The following KCTD19 variants were observed in gnomAD, a reference collection of about 807,000 sequenced individuals.
The protein encoded by KCTD19 is potassium channel tetramerization domain containing 19, also known as BTB/POZ domain-containing protein KCTD19.
A neutral mutation model predicts 103.5 loss-of-function variants in KCTD19; 67 were observed. That is an observed-to-expected ratio of 0.65 (90% CI 0.53 to 0.79). The LOEUF is 0.79. Among genes scored for constraint, KCTD19 ranks in the 30% least tolerant of loss-of-function variants. The pLI is 0.00. For synonymous variants in KCTD19, 439 were observed against 452.2 expected, an observed-to-expected ratio of 0.97 and a Z score of 0.37; for missense variants, 980 against 1,136.1, an observed-to-expected ratio of 0.86 and a Z score of 1.98.
rs751467221 is a variant in KCTD19 at position 67,304,417 on chromosome 16, TC to T, written c.451+3del. ...TTAGGGAGGGACAGCCTATCCCAAT[TC>T]ACCTGTAAAGGCTGGGCTTTTAATT... On this transcript the variant is annotated splice_donor_region_variant and intron_variant, in intron 3 of 15. Coordinates refer to ENST00000304372, the MANE Select transcript of KCTD19 (RefSeq NM_001100915.3). 6.2e-6 allele frequency: 10 copies of T among 1,613,856 alleles called. No homozygotes were observed. In the African/African-American group the frequency reaches 1.1e-4, roughly 17 times the overall value.
Position 67,297,471 on chromosome 16 carries a change from C to G in KCTD19, c.1147+32G>C, listed in dbSNP as rs1394274423. On this transcript the variant is annotated intron_variant, in intron 7 of 15. Transcript: ENST00000304372. ...CAATCTCCCAGATACTCCCCTGATG[C>G]TAAATTCAAACCTAGAAGCTTTCTC... 1.9e-6 allele frequency: 3 copies of G among 1,609,126 alleles called. No homozygotes were observed. The South Asian group carries it at 3.3e-5, about 18-fold the overall frequency.
chr16:67,303,107 TCAGCCCGCCCCCCACCCCACCC>T lies in KCTD19; in HGVS notation c.643+17_643+38del. 1 of 897,596 alleles carries T rather than the reference TCAGCCCGCCCCCCACCCCACCC, an allele frequency of 1.1e-6. No individual in the cohort carries two copies. Among genetic ancestry groups the T allele is most frequent in the Non-Finnish European group, 1.8e-6 (1 of 562,966 alleles). The allele number at this position is 897,596 out of a possible 1,614,324, so 55.6% of individuals were successfully genotyped here. ...GATGGGGAGGGGTGAATGGGCCCTATCAGCCCGCCCCCCACCCCACCCCGGACAGAGCAATCACCAATGAAGC... is the reference window on the plus strand; with the variant it reads ...GATGGGGAGGGGTGAATGGGCCCTATCGGACAGAGCAATCACCAATGAAGC... On this transcript the variant is annotated intron_variant, in intron 4 of 15. Coordinates refer to ENST00000304372, the MANE Select transcript of KCTD19 (RefSeq NM_001100915.3). The surrounding 1 kb of genome is among the most constrained non-coding windows in gnomAD (Gnocchi z 4.3).
At chr16:67,325,191 C>CTTTTTTTTTTT (rs1567456732) in intron 1 of KCTD19, among the ~76,000 whole-genome samples, 1 of 128,142 alleles carries the variant, frequency 7.8e-6, no homozygotes, top group Non-Finnish European at 1.7e-5. Flanking sequence ...TCTTTTTTTT[C>CTTTTTTTTTTT]TTTTTTTCTT....
chr16:67,321,894 A>C (rs1269854257), intron 1 of KCTD19: 1 of 152,924 alleles, frequency 6.5e-6, no homozygotes, highest in East Asian at 1.9e-4. Flanking sequence ...CGTTGAGGGA[A>C]GAAGGGGACA....
intron 4 of KCTD19, 22 bp from the exon 5 acceptor site, chr16:67,301,944 CAGTG>C (rs761550536): frequency 6.2e-7 from 1 of 1,613,284 alleles, no homozygotes; most frequent in South Asian, 1.1e-5. Context: ...AAGGGGAACA[CAGTG>C]AGTTAATGAG....
rs563321784 is a variant in KCTD19 at position 67,296,250 on chromosome 16, G to T, written c.1157C>A (p.Thr386Lys). Residue 386 changes from threonine (T) to lysine (K), a missense_variant, in exon 8 of 16, where the codon ACG (threonine) becomes AAG (lysine). Transcript: ENST00000304372. ...LAPMDVLNEWTAEITVYSPQQ... is the reference protein window; with the variant it reads ...LAPMDVLNEWKAEITVYSPQQ... ...TGGGGAATACACAGTGATCTCTGCCGTCCACTCATCTATGGGAATCCAGGA... is the reference window on the plus strand; with the variant it reads ...TGGGGAATACACAGTGATCTCTGCCTTCCACTCATCTATGGGAATCCAGGA... 2.5e-6 allele frequency: 4 copies of T among 1,609,022 alleles called. No individual in the cohort carries two copies. Among genetic ancestry groups the T allele is most frequent in the Non-Finnish European group, 3.4e-6 (4 of 1,175,344 alleles).
rs773069676 is a variant in KCTD19, at chr16:67,293,708, G to A, written c.2054C>T (p.Ala685Val). ...EAASQPSTSA[A>V]WKAHSTASEK... ...TGAGGCTGTGGAATGGGCTTTCCAG[G>A]CAGCTGAGGTGCTGGGCTGGGAAGC... Residue 685 changes from alanine (A) to valine (V), a missense_variant, in exon 12 of 16, where the codon GCC (alanine) becomes GTC (valine). Physicochemically the swap from Ala to Val is moderately conservative, Grantham distance 64. Transcript: ENST00000304372. The surrounding 1 kb of genome is among the most constrained non-coding windows in gnomAD (Gnocchi z 4.0). The A allele has an allele frequency of 2.5e-6, 4 of 1,614,080 alleles. No homozygotes were observed. The highest frequency in any genetic ancestry group is 2.2e-5 in the South Asian group (2 of 91,082).
intron 7 of KCTD19, 136 bp downstream of exon 7, chr16:67,297,367 A>G: frequency 1.1e-6 from 1 of 909,818 alleles, no homozygotes. Context: ...CCCTTTTGTA[A>G]AAATCCAAAA....
chr16:67,326,306 C>A (rs2037167326), intron 1 of KCTD19, among the ~76,000 whole-genome samples: 1 of 151,820 alleles, frequency 6.6e-6, no homozygotes, highest in Non-Finnish European at 1.5e-5. Context: ...GGATTCCCAA[C>A]CTTTCAGATC....
Position 67,291,350 on chromosome 16 carries a change from C to G in KCTD19, c.2524G>C (p.Ala842Pro). Residue 842 changes from alanine (A) to proline (P), a missense_variant, in exon 14 of 16, where the codon GCC becomes CCC. Transcript: ENST00000304372. ...MDSIRQKDPK[A>P]ITAKVVSLAN... ...AGGGAGACCACCTTGGCTGTGATGG[C>G]TTTGGGGTCCTTTTGCCTGATGGAA... The G allele has an allele frequency of 6.2e-7, 1 of 1,614,104 alleles. No homozygotes were observed. The highest frequency in any genetic ancestry group is 1.1e-5 in the South Asian group (1 of 91,074).
chr16:67,320,748 G>A lies in KCTD19; in HGVS notation c.141C>T (p.Thr47=), dbSNP rs747180142. The A allele has an allele frequency of 1.2e-6, 2 of 1,614,060 alleles. No homozygotes were observed. The highest frequency in any genetic ancestry group is 1.3e-5 in the African/African-American group (1 of 74,918). Residue 47 remains threonine, a synonymous_variant, in exon 2 of 16, where the codon ACC becomes ACT. Transcript: ENST00000304372. The surrounding 1 kb of genome is among the most constrained non-coding windows in gnomAD (Gnocchi z 4.0). ...TAAATAGCCTCTGGCTTTCTGAAGA[G>A]GTCAAGGCTGAAGCCTCTTTCCACA... ...SLLWKEASAL[T]SSESQRLFID...
Position 67,291,702 on chromosome 16 carries a change from G to T in KCTD19, c.2354C>A (p.Thr785Asn), listed in dbSNP as rs769389422. The stretch of plus-strand genomic sequence containing the variant: ...GTGCCTGAGGTTGTCCATCTCCGTG[G>T]TATAGATGATGCTGTCCTCAAAGAA... ...CMFFEDSIIYTTEMDNLRHTT... is the reference protein window; with the variant it reads ...CMFFEDSIIYNTEMDNLRHTT... The change falls in exon 13 of 16, where the codon ACC becomes AAC. Residue 785 changes from threonine (T) to asparagine (N), a missense_variant. By Grantham distance (65) the Thr-to-Asn change is moderately conservative. Transcript: ENST00000304372. 3 of 1,614,024 alleles carry T rather than the reference G, an allele frequency of 1.9e-6. No homozygotes were observed. Among genetic ancestry groups the T allele is most frequent in the Middle Eastern group, 3.3e-4 (2 of 6,084 alleles).
At chr16:67,294,750 C>A (rs139855834) in intron 10 of KCTD19, 56 bp from the exon 11 acceptor site, 1 of 1,283,104 alleles carries the variant, frequency 7.8e-7, no homozygotes, top group Non-Finnish European at 1.1e-6. Context: ...AGGCCATTGG[C>A]CAGTTGGTCA....
intron 6 of KCTD19, 130 bp downstream of exon 6, chr16:67,299,233 G>A: frequency 1.2e-6 from 1 of 819,250 alleles, no homozygotes; most frequent in Non-Finnish European, 2.0e-6. Context: ...TGATGGTAAT[G>A]GCTAAAATGA....
chr16:67,310,152 T>A (rs1007050669), intron 2 of KCTD19, among the ~76,000 whole-genome samples: 1 of 152,158 alleles, frequency 6.6e-6, no homozygotes, highest in Admixed American at 6.5e-5. Flanking sequence ...TCGGGTGCTA[T>A]AAGAAATCAC....
intron 2 of KCTD19, among the ~76,000 whole-genome samples, chr16:67,319,227 GAAA>G (rs941399154): frequency 9.5e-6 from 1 of 104,746 alleles, no homozygotes; most frequent in African/African-American, 3.6e-5. Flanking sequence ...CCATCTCGAA[GAAA>G]AAAAAAAAAA....
chr16:67,320,805 T>C lies in KCTD19; in HGVS notation c.84A>G (p.Arg28=). The C allele has an allele frequency of 6.2e-7, 1 of 1,614,202 alleles. No individual in the cohort carries two copies. The highest frequency in any genetic ancestry group is 8.5e-7 in the Non-Finnish European group (1 of 1,180,026). ...AGTCTGGAAACTGAGAGAGTTTGCT[T>C]CTGGGAACTGAGAAATGCCAGCCCC... is the stretch of plus-strand genomic sequence containing the variant. ...NVGGWHFSVP[R]SKLSQFPDSL... Residue 28 remains arginine, a synonymous_variant, in exon 2 of 16, where the codon AGA becomes AGG. Transcript: ENST00000304372. The surrounding 1 kb of genome is among the most constrained non-coding windows in gnomAD (Gnocchi z 4.0).
intron 2 of KCTD19, among the ~76,000 whole-genome samples, chr16:67,313,776 TG>T (rs1272187117): frequency 1.3e-5 from 2 of 151,972 alleles, no homozygotes; most frequent in African/African-American, 4.8e-5. Context: ...TTAGTAGAGA[TG>T]GGGTTTCACC....
chr16:67,301,969 G>A, intron 4 of KCTD19, 47 bp from the exon 5 acceptor site: 1 of 1,605,018 alleles, frequency 6.2e-7, no homozygotes, highest in Non-Finnish European at 8.5e-7. Flanking sequence ...GCTATTTCTG[G>A]TTTAGCTGTA....
Sources: gnomAD v4.1 joint callset for allele counts (sites outside exome capture counted in the v4.1 genomes callset) on GRCh38, gnomAD v4.1.1 for gene constraint, Gnocchi (gnomAD v3.1) non-coding constraint, MANE v1.5 for transcripts, NCBI Gene and HGNC (gene_info 2026-07-23, HGNC 2026-07-21) for gene names.